DOCK2: variants seen among roughly 807,000 people sequenced by gnomAD.
The protein encoded by DOCK2 is dedicator of cytokinesis 2, also known as dedicator of cytokinesis protein 2.
DOCK2 carries 87 observed loss-of-function variants against 248.9 expected under a neutral mutation model. The observed-to-expected ratio is 0.35, with a 90% CI of 0.29 to 0.42. The LOEUF (loss-of-function observed/expected upper bound fraction) is 0.42. Ranked by LOEUF, DOCK2 falls within the 10% of genes least tolerant of loss-of-function variation. The probability of loss-of-function intolerance (pLI) is 1.00; values close to 1 mark genes in which losing one functional copy is unlikely to be tolerated. For synonymous variants in DOCK2, 805 were observed against 821.6 expected, an observed-to-expected ratio of 0.98 and a Z score of 0.35; for missense variants, 1,747 against 2,300.2, an observed-to-expected ratio of 0.76 and a Z score of 4.92.
In DOCK2 at chr5:170,027,940, G is replaced by A. The variant is rs1755978773; in HGVS notation, c.3459G>A (p.Leu1153=). 1.2e-6 allele frequency: 2 copies of A among 1,612,108 alleles called. No individual in the cohort carries two copies. The highest frequency in any genetic ancestry group is 2.2e-5 in the South Asian group (2 of 90,732). ...GRGDEQYMQL[L]ESILMECAAE... is the part of the protein sequence containing the mutation. Reference sequence around the variant, plus strand: ...GCGACGAGCAGTACATGCAGCTCCTGGAGTCAATGTAAGTTCAGTGCCCTG... The same window carrying A: ...GCGACGAGCAGTACATGCAGCTCCTAGAGTCAATGTAAGTTCAGTGCCCTG... Residue 1153 remains leucine (L), a synonymous_variant, in exon 34 of 52, where the codon CTG becomes CTA. Coordinates refer to ENST00000520908, the MANE Select transcript of DOCK2 (RefSeq NM_004946.3).
intron 27 of DOCK2, among the ~76,000 whole-genome samples, chr5:169,900,289 G>C (rs1461544422): frequency 6.6e-6 from 1 of 152,166 alleles, no homozygotes; most frequent in South Asian, 2.1e-4. Context: ...TCCCCTGATG[G>C]AGGGGACATC....
chr5:170,076,113 GT>G, intron 47 of DOCK2, 29 bp downstream of exon 47: 1 of 1,608,000 alleles, frequency 6.2e-7, no homozygotes, highest in Non-Finnish European at 8.5e-7. Flanking sequence ...GCTTGGAGGG[GT>G]GGGATTGTGC....
chr5:169,731,238 C>G (rs1762752510), intron 22 of DOCK2, among the ~76,000 whole-genome samples: 1 of 152,148 alleles, frequency 6.6e-6, no homozygotes, highest in African/African-American at 2.4e-5. Flanking sequence ...TGTCCACACC[C>G]AAATCTCATC....
At chr5:169,672,029 T>A (rs1221532213) in intron 5 of DOCK2, among the ~76,000 whole-genome samples, 1 of 152,086 alleles carries the variant, frequency 6.6e-6, no homozygotes, top group Non-Finnish European at 1.5e-5. Context: ...TTTTTTGAGA[T>A]GGAGTCTCGC....
intron 6 of DOCK2, among the ~76,000 whole-genome samples, chr5:169,678,480 G>T: frequency 6.6e-6 from 1 of 151,998 alleles, no homozygotes; most frequent in East Asian, 1.9e-4. Context: ...TACCAGGCTG[G>T]TCTTGAACTC....
intron 27 of DOCK2, chr5:169,881,359 G>A: frequency 6.4e-7 from 1 of 1,550,558 alleles, no homozygotes; most frequent in Non-Finnish European, 8.7e-7. Flanking sequence ...CTCGCTTGTG[G>A]CCAGGTACCT....
chr5:169,664,404 C>T (rs1758607798), intron 2 of DOCK2, among the ~76,000 whole-genome samples: 1 of 152,186 alleles, frequency 6.6e-6, no homozygotes, highest in Non-Finnish European at 1.5e-5. Flanking sequence ...CAACCTCTGC[C>T]CAGTTCCAAA....
In DOCK2 at chr5:169,827,777, T is replaced by G. The variant is rs566432433; in HGVS notation, c.2704-12980T>G. Among the ~76,000 whole-genome samples, 267 of 152,342 alleles carry G rather than the reference T, an allele frequency of 1.8e-3. 9 individuals carry two copies. In the South Asian group the frequency reaches 0.052, roughly 30 times the overall value. ...GGAAAAGGGAGCACACAGCCTAAGCTTTCCAGAAAGAGCTGGGGATGATGG... is the reference window on the plus strand; with the variant it reads ...GGAAAAGGGAGCACACAGCCTAAGCGTTCCAGAAAGAGCTGGGGATGATGG... On this transcript the variant is annotated intron_variant, in intron 26 of 51. Coordinates refer to ENST00000520908, the MANE Select transcript of DOCK2 (RefSeq NM_004946.3).
chr5:169,961,710 GCTCA>G (rs1324863150), intron 27 of DOCK2, among the ~76,000 whole-genome samples: 1 of 152,092 alleles, frequency 6.6e-6, no homozygotes, highest in African/African-American at 2.4e-5. Flanking sequence ...GGGTGCAGTG[GCTCA>G]CGCCCGTAAT....
chr5:169,914,410 C>G (rs908423308), intron 27 of DOCK2, among the ~76,000 whole-genome samples: 48 of 152,314 alleles, frequency 3.2e-4, no homozygotes, highest in Admixed American at 8.5e-4. Flanking sequence ...AGGAACTGCT[C>G]TTGGGGAATA....
At chr5:169,998,088 T>C (rs1754709847) in intron 30 of DOCK2, 2 of 455,482 alleles carry the variant, frequency 4.4e-6, no homozygotes, top group Admixed American at 4.7e-5. Flanking sequence ...TCCTGACTCC[T>C]CCCTGAGGAT....
At chr5:169,934,869 CA>C in intron 27 of DOCK2, 1 of 370,436 alleles carries the variant, frequency 2.7e-6, no homozygotes, top group Non-Finnish European at 5.4e-6. Flanking sequence ...ATTGCCAAAA[CA>C]ACTTTAACCA....
intron 37 of DOCK2, 46 bp downstream of exon 37, chr5:170,041,191 G>A: frequency 1.3e-6 from 2 of 1,491,460 alleles, no homozygotes; most frequent in Non-Finnish European, 1.9e-6. Context: ...GATCCTGACA[G>A]GGCCTCACAG....
chr5:170,005,753 A>G (rs1435763413), intron 30 of DOCK2, among the ~76,000 whole-genome samples: 1 of 152,176 alleles, frequency 6.6e-6, no homozygotes, highest in Non-Finnish European at 1.5e-5. Flanking sequence ...TTTTTTTAAA[A>G]AAAAGAAAAT....
chr5:169,873,170 G>A (rs769667922), intron 27 of DOCK2, among the ~76,000 whole-genome samples: 13 of 152,164 alleles, frequency 8.5e-5, no homozygotes, highest in Middle Eastern at 3.2e-3. Flanking sequence ...CAGATAAATT[G>A]CTGATGCTGT....
At chr5:169,938,812 C>T (rs888694708) in intron 27 of DOCK2, among the ~76,000 whole-genome samples, 2 of 152,196 alleles carry the variant, frequency 1.3e-5, no homozygotes, top group African/African-American at 2.4e-5. Context: ...TTTGTAATAA[C>T]GCTTAGCTTA....
At chr5:170,020,323 T>A (rs975345134) in intron 33 of DOCK2, among the ~76,000 whole-genome samples, 3 of 152,234 alleles carry the variant, frequency 2.0e-5, no homozygotes, top group Non-Finnish European at 2.9e-5. Context: ...CCCATCCAAA[T>A]GCCATGTCAC....
chr5:169,714,352 T>C lies in DOCK2; in HGVS notation c.1844-8T>C. On this transcript the variant is annotated splice_region_variant and splice_polypyrimidine_tract_variant and intron_variant, in intron 18 of 51. Coordinates refer to ENST00000520908, the MANE Select transcript of DOCK2 (RefSeq NM_004946.3). ...ATGATACTTCTGAATGTCTGGACTC[T>C]ATTTTAGTGGGCTTGCTGGGTTTGC... 6.2e-7 allele frequency: 1 copy of C among 1,614,120 alleles called. No individual in the cohort carries two copies.
chr5:169,906,480 TGTTAC>T (rs760616495), intron 27 of DOCK2, among the ~76,000 whole-genome samples: 18 of 150,996 alleles, frequency 1.2e-4, no homozygotes, highest in Non-Finnish European at 2.4e-4. Context: ...TATTTTATTT[TGTTAC>T]GTTATGTTAT....
Sources: gnomAD v4.1 joint callset for allele counts (sites outside exome capture counted in the v4.1 genomes callset) on GRCh38, gnomAD v4.1.1 for gene constraint, MANE v1.5 for transcripts, NCBI Gene and HGNC (gene_info 2026-07-23, HGNC 2026-07-21) for gene names.